XKR9: variants seen among roughly 807,000 people sequenced by gnomAD.
XKR9 encodes the protein XK related 9.
Under a neutral mutation model 32.0 loss-of-function variants are expected in XKR9, and 32 were observed. The observed-to-expected ratio is 1.00, with a 90% CI of 0.76 to 1.34. XKR9 has a LOEUF of 1.34. Among genes scored for constraint, XKR9 ranks in the 40% most tolerant of loss-of-function variants. The probability of loss-of-function intolerance (pLI) is 0.00; values close to 1 mark genes in which losing one functional copy is unlikely to be tolerated. For missense variants in XKR9, 546 were observed against 429.7 expected (o/e 1.27, Z -2.39); for synonymous variants, 168 against 143.4 (o/e 1.17, Z -1.22).
At chr8:70,811,506 G>A in the XKR9 span, among the ~76,000 whole-genome samples, 2 of 152,152 alleles carry the variant, frequency 1.3e-5, no homozygotes, top group African/African-American at 2.4e-5. Context: ...CCAGGAGCTG[G>A]TTTTTTGAAA....
downstream of XKR9, among the ~76,000 whole-genome samples, chr8:70,738,202 G>T (rs1806898723): frequency 2.2e-5 from 3 of 135,268 alleles, no homozygotes; most frequent in African/African-American, 5.2e-5. Context: ...TGTTGGGAGG[G>T]TGTATGTGTC....
chr8:70,682,562 CATT>C (rs1021147057), intron 3 of XKR9, among the ~76,000 whole-genome samples: 7 of 152,122 alleles, frequency 4.6e-5, no homozygotes, highest in Non-Finnish European at 7.4e-5. Flanking sequence ...GAATATTACA[CATT>C]GTATACAAAA....
At chr8:70,949,078 A>G in the XKR9 span, among the ~76,000 whole-genome samples, 1 of 152,174 alleles carries the variant, frequency 6.6e-6, no homozygotes, top group South Asian at 2.1e-4. Flanking sequence ...AAAAACTTGT[A>G]TGGGCTGGGA....
At chr8:71,035,350 AG>A in the XKR9 span, among the ~76,000 whole-genome samples, 1 of 152,200 alleles carries the variant, frequency 6.6e-6, no homozygotes, top group East Asian at 1.9e-4. Flanking sequence ...CTTGATTTCT[AG>A]GGGTCCAAGA....
the XKR9 span, among the ~76,000 whole-genome samples, chr8:71,044,174 TA>T: frequency 3.3e-5 from 5 of 152,242 alleles, no homozygotes; most frequent in African/African-American, 1.2e-4. Flanking sequence ...ACACATGCTA[TA>T]TACATAGATT....
Position 70,732,068 on chromosome 8 carries a change from G to A in XKR9, c.494-1728G>A, listed in dbSNP as rs570798473. On this transcript the variant is annotated intron_variant, in intron 4 of 4. Coordinates refer to ENST00000408926, the MANE Select transcript of XKR9 (RefSeq NM_001011720.2). ...CCACGACTCCCAGGAGCTGAACTGA[G>A]ACAGACACCCCACAGTGGGGCTATA... Among the ~76,000 whole-genome samples the A allele has an allele frequency of 5.3e-3, 805 of 152,298 alleles. 4 individuals are homozygous for A. Among genetic ancestry groups the A allele is most frequent in the Middle Eastern group, 0.027 (8 of 292 alleles).
chr8:70,999,330 C>G, the XKR9 span, among the ~76,000 whole-genome samples: 1 of 152,120 alleles, frequency 6.6e-6, no homozygotes, highest in South Asian at 2.1e-4. Flanking sequence ...GAGCTAGCTC[C>G]TAGTCCATTT....
At chr8:70,757,322 T>C (rs2130198292) in intron 2 of XKR9, among the ~76,000 whole-genome samples, 1 of 152,266 alleles carries the variant, frequency 6.6e-6, no homozygotes, top group South Asian at 2.1e-4. Flanking sequence ...TTTTTCTCTC[T>C]GTTCCTTTGC....
At chr8:70,926,332 A>G in the XKR9 span, among the ~76,000 whole-genome samples, 14 of 152,282 alleles carry the variant, frequency 9.2e-5, no homozygotes, top group South Asian at 2.7e-3. Context: ...TGGCCTCCCA[A>G]AATGTTGGGA....
chr8:70,706,876 A>G, intron 3 of XKR9, 57 bp from the exon 4 acceptor site: 1 of 1,397,044 alleles, frequency 7.2e-7, no homozygotes, highest in Non-Finnish European at 9.8e-7. Context: ...ATGTGTATTA[A>G]CAGACATGTT....
intron 3 of XKR9, among the ~76,000 whole-genome samples, chr8:70,699,050 C>T (rs1336431813): frequency 6.6e-6 from 1 of 152,160 alleles, no homozygotes; most frequent in Non-Finnish European, 1.5e-5. Flanking sequence ...GATCTTCCTC[C>T]ATCCTTTTAT....
At chr8:70,815,713 G>T in the XKR9 span, among the ~76,000 whole-genome samples, 1 of 151,836 alleles carries the variant, frequency 6.6e-6, no homozygotes, top group Admixed American at 6.6e-5. Context: ...TTTTAGTAGA[G>T]ACGGGATTTC....
the XKR9 span, among the ~76,000 whole-genome samples, chr8:70,917,632 AACGAATGACATGGCTGAAT>A: frequency 6.6e-6 from 1 of 152,228 alleles, no homozygotes; most frequent in Non-Finnish European, 1.5e-5. Flanking sequence ...TCAAACAATG[AACGAATGACATGGCTGAAT>A]CTATTCAGCT....
the XKR9 span, among the ~76,000 whole-genome samples, chr8:70,832,863 A>C: frequency 6.6e-6 from 1 of 152,210 alleles, no homozygotes; most frequent in Non-Finnish European, 1.5e-5. Flanking sequence ...CTCCACCAGA[A>C]TATAAGCCCC....
chr8:70,964,539 C>A, the XKR9 span, among the ~76,000 whole-genome samples: 3 of 152,322 alleles, frequency 2.0e-5, no homozygotes, highest in East Asian at 5.8e-4. Context: ...AGCATTGAAT[C>A]TATAAATTAC....
chr8:70,686,686 C>T (rs569392215), intron 3 of XKR9, among the ~76,000 whole-genome samples: 36 of 152,164 alleles, frequency 2.4e-4, no homozygotes, highest in Admixed American at 7.9e-4. Context: ...TCAAGTGATC[C>T]GTCTCCTTCG....
chr8:70,764,216 G>T (rs116593070), intron 2 of XKR9, among the ~76,000 whole-genome samples: 114 of 152,244 alleles, frequency 7.5e-4, no homozygotes, highest in African/African-American at 2.7e-3. Flanking sequence ...TTTTCTGCTC[G>T]ACTTTCCTTC....
intron 2 of XKR9, among the ~76,000 whole-genome samples, chr8:70,751,073 G>A (rs1347244128): frequency 6.6e-6 from 1 of 152,176 alleles, no homozygotes; most frequent in Admixed American, 6.5e-5. Flanking sequence ...CTCATGCTAT[G>A]TATAGCTTGC....
the XKR9 span, among the ~76,000 whole-genome samples, chr8:70,884,126 G>T: frequency 6.6e-6 from 1 of 152,094 alleles, no homozygotes; most frequent in East Asian, 1.9e-4. Flanking sequence ...TTCCAATTTT[G>T]TAAGGTCATA....
Sources: gnomAD v4.1 joint callset for allele counts (sites outside exome capture counted in the v4.1 genomes callset) on GRCh38, gnomAD v4.1.1 for gene constraint, MANE v1.5 for transcripts, NCBI Gene and HGNC (gene_info 2026-07-23, HGNC 2026-07-21) for gene names.